Variants in FKBP1B observed in about 807,000 individuals in gnomAD.
FKBP1B encodes the protein peptidyl-prolyl cis-trans isomerase FKBP1B.
In FKBP1B, 4 loss-of-function variants were observed where a neutral mutation model predicts 13.5. The observed-to-expected ratio is 0.30, with a 90% CI of 0.15 to 0.68. FKBP1B has a LOEUF of 0.68. FKBP1B is among the 30% of genes least tolerant of loss of function. The pLI is 0.76. For synonymous variants in FKBP1B, 54 were observed against 53.6 expected, an observed-to-expected ratio of 1.01 and a Z score of -0.03; for missense variants, 93 against 136.2, an observed-to-expected ratio of 0.68 and a Z score of 1.58.
chr2:24,041,330 ACT>A, the FKBP1B span, among the ~76,000 whole-genome samples: 1 of 145,764 alleles, frequency 6.9e-6, no homozygotes, highest in Admixed American at 6.8e-5. Flanking sequence ...CAGGAGCAAA[ACT>A]CTATCTCCAA....
the FKBP1B span, chr2:24,037,679 G>A: frequency 6.2e-7 from 1 of 1,606,210 alleles, no homozygotes; most frequent in South Asian, 1.1e-5. Context: ...GAATTTACCT[G>A]GTAAATGATG....
At chr2:24,058,448 A>G (rs1003978360) in intron 2 of FKBP1B, among the ~76,000 whole-genome samples, 1 of 152,206 alleles carries the variant, frequency 6.6e-6, no homozygotes, top group Non-Finnish European at 1.5e-5. Flanking sequence ...TCTTTGTCCA[A>G]TCAAATCACC....
In FKBP1B at chr2:24,049,821, C is replaced by T. The variant is rs984339391; in HGVS notation, c.-29C>T. The T allele has an allele frequency of 7.4e-7, 1 of 1,346,724 alleles. No homozygotes were observed. Among genetic ancestry groups the T allele is most frequent in the African/African-American group, 1.5e-5 (1 of 65,866 alleles). The allele number at this position is 1,346,724 out of a possible 1,614,324, so 83.4% of individuals were successfully genotyped here. A position where few individuals can be genotyped will look rare whatever the true frequency, so the allele number is the denominator to read the frequency against. On this transcript the variant is annotated 5_prime_UTR_variant, in exon 1 of 4. Transcript: ENST00000380986. ...GCCGGGGTCGGGCAGCAGCAGGGAC[C>T]CCCCAGAGGCGGGGCCTGTGGGACC...
At chr2:24,037,943 C>T in the FKBP1B span, 1 of 1,614,142 alleles carries the variant, frequency 6.2e-7, no homozygotes, top group East Asian at 2.2e-5. Flanking sequence ...GGCTGGGTAA[C>T]AGGCTCAGCA....
the FKBP1B span, chr2:24,038,500 C>T: frequency 5.0e-6 from 8 of 1,614,220 alleles, no homozygotes; most frequent in Non-Finnish European, 6.8e-6. Flanking sequence ...AGTGACTTTT[C>T]TCGTCATGGT....
At position 24,063,665 on chromosome 2, in the gene FKBP1B, G is replaced by C. The variant is rs185043886; in HGVS notation, c.*473G>C. 9.2e-6 allele frequency: 2 copies of C among 217,732 alleles called. No homozygotes were observed. Among genetic ancestry groups the C allele is most frequent in the African/African-American group, 4.5e-5 (2 of 44,386 alleles). 13.5% of individuals were successfully genotyped at this position (217,732 alleles called of 1,614,324 possible). ...CTCTTTGAGAAAATGTAAAATAAAG[G>C]CTCTGTGCTTGACAAACTCCTGTCC... On this transcript the variant is annotated 3_prime_UTR_variant, in exon 4 of 4. Transcript: ENST00000380986.
At chr2:24,037,650 G>C in the FKBP1B span, 63 of 1,582,250 alleles carry the variant, frequency 4.0e-5, no homozygotes, top group Admixed American at 8.9e-5. Flanking sequence ...TTTATGTATA[G>C]TGGTAGTTCC....
At chr2:24,049,990 G>A (rs1403801048) in intron 1 of FKBP1B, 104 bp downstream of exon 1, 5 of 939,378 alleles carry the variant, frequency 5.3e-6, no homozygotes, top group African/African-American at 5.1e-5. Flanking sequence ...TGAAGGGTCG[G>A]GGGGCTGGAT....
intron 2 of FKBP1B, among the ~76,000 whole-genome samples, chr2:24,057,381 T>TTG (rs1553320533): frequency 7.9e-5 from 12 of 151,366 alleles, no homozygotes; most frequent in South Asian, 4.2e-4. Context: ...TGGTTTTTTT[T>TTG]TGTGTGTGTG....
At chr2:24,045,817 T>A (rs934874616), upstream of FKBP1B, 25 of 151,680 alleles carry the variant, frequency 1.6e-4, no homozygotes, top group Non-Finnish European at 1.5e-4. Flanking sequence ...TACAGAAAAA[T>A]TTTTAAAAAT....
chr2:24,054,440 G>C lies in FKBP1B; in HGVS notation c.85+491G>C, dbSNP rs559581885. The C allele has an allele frequency of 3.0e-5, 6 of 197,332 alleles. No individual in the cohort carries two copies. In the South Asian group the frequency reaches 6.9e-4, roughly 23 times the overall value. 12.2% of individuals were successfully genotyped at this position (197,332 alleles called of 1,614,324 possible). A position where few individuals can be genotyped will look rare whatever the true frequency, so the allele number is the denominator to read the frequency against. ...TGGGTACTGAGGGAGCCCAGAGCGG[G>C]ACTGATCCCAGTTGGATGCTCTTTA... On this transcript the variant is annotated intron_variant, in intron 2 of 3. Transcript: ENST00000380986.
the FKBP1B span, among the ~76,000 whole-genome samples, chr2:24,039,665 G>A: frequency 1.3e-5 from 2 of 152,154 alleles, no homozygotes; most frequent in Non-Finnish European, 2.9e-5. Flanking sequence ...AGAGACTACT[G>A]AGCTATCAGG....
chr2:24,049,836 C>T lies in FKBP1B; in HGVS notation c.-14C>T, dbSNP rs1663766770. The T allele has an allele frequency of 1.4e-6, 2 of 1,399,474 alleles. No homozygotes were observed. The highest frequency in any genetic ancestry group is 2.8e-5 in the Admixed American group (1 of 35,182). The allele number at this position is 1,399,474 out of a possible 1,614,324, so 86.7% of individuals were successfully genotyped here. A position where few individuals can be genotyped will look rare whatever the true frequency, so the allele number is the denominator to read the frequency against. ...CAGCAGGGACCCCCCAGAGGCGGGG[C>T]CTGTGGGACCGCTATGGGCGTGGAG... On this transcript the variant is annotated 5_prime_UTR_variant, in exon 1 of 4. Transcript: ENST00000380986.
chr2:24,038,763 T>G, the FKBP1B span: 14 of 1,614,214 alleles, frequency 8.7e-6, no homozygotes, highest in Non-Finnish European at 1.2e-5. Context: ...GAGTCATGTC[T>G]TTACTGTTAG....
chr2:24,063,070 T>C lies in FKBP1B; in HGVS notation c.205T>C (p.Leu69=). The C allele has an allele frequency of 1.9e-6, 3 of 1,614,232 alleles. No individual in the cohort carries two copies. Among genetic ancestry groups the C allele is most frequent in the South Asian group, 2.2e-5 (2 of 91,078 alleles). Residue 69 remains leucine, a synonymous_variant, in exon 4 of 4, where the codon TTG becomes CTG. Transcript: ENST00000380986. ...GFEEGAAQMS[L]GQRAKLTCTP... ...CTGCCCCCATCCCTGCTAGATGAGC[T>C]TGGGGCAGAGGGCGAAGCTGACCTG...
At chr2:24,059,497 TG>T (rs754018014) in intron 2 of FKBP1B, among the ~76,000 whole-genome samples, 7 of 152,114 alleles carry the variant, frequency 4.6e-5, no homozygotes, top group Non-Finnish European at 1.0e-4. Flanking sequence ...TTTTCCCTTT[TG>T]GGGGAAACTT....
At chr2:24,061,125 C>T (rs547259186) in intron 3 of FKBP1B, among the ~76,000 whole-genome samples, 199 bp downstream of exon 3, 1 of 152,226 alleles carries the variant, frequency 6.6e-6, no homozygotes, top group South Asian at 2.1e-4. Context: ...TCTTTTGTGT[C>T]CCTGGGGGCT....
In FKBP1B at chr2:24,060,736, C is replaced by A. The variant is rs554556964; in HGVS notation, c.86-78C>A. The A allele has an allele frequency of 2.2e-5, 23 of 1,039,226 alleles. No individual in the cohort carries two copies. The African/African-American group carries it at 3.1e-4, about 14-fold the overall frequency. 64.4% of individuals were successfully genotyped at this position (1,039,226 alleles called of 1,614,324 possible). A position where few individuals can be genotyped will look rare whatever the true frequency, so the allele number is the denominator to read the frequency against. On this transcript the variant is annotated intron_variant, in intron 2 of 3. Transcript: ENST00000380986. ...GCAGGTGTGTGCAGAAAAGGCATTC[C>A]ATTTTAGACATGTGGAATCTGAATT...
At position 24,050,468 on chromosome 2, in the gene FKBP1B, T is replaced by C. The variant is rs1663817300; in HGVS notation, c.37+582T>C. Among the ~76,000 whole-genome samples, 1 of 152,118 alleles carries C rather than the reference T, an allele frequency of 6.6e-6. No homozygotes were observed. Among genetic ancestry groups the C allele is most frequent in the African/African-American group, 2.4e-5 (1 of 41,430 alleles). ...GCTTTCAGACTCCCTGGCCACCCTG[T>C]CCACTCCCATGGCCTCCACATTGAA... On this transcript the variant is annotated intron_variant, in intron 1 of 3. Coordinates refer to ENST00000380986, the MANE Select transcript of FKBP1B (RefSeq NM_004116.5). The surrounding 1 kb of genome is among the most constrained non-coding windows in gnomAD (Gnocchi z 5.8).
Sources: allele counts gnomAD v4.1 joint callset (sites outside exome capture counted in the v4.1 genomes callset), GRCh38; gene constraint gnomAD v4.1.1; non-coding constraint Gnocchi (gnomAD v3.1); transcripts MANE v1.5; gene names NCBI Gene and HGNC (gene_info 2026-07-23, HGNC 2026-07-21).